The following GALNT13 variants were observed in gnomAD, a reference collection of about 807,000 sequenced individuals.
GALNT13 encodes polypeptide N-acetylgalactosaminyltransferase 13.
GALNT13 carries 28 observed loss-of-function variants against 64.2 expected under a neutral mutation model. That is an observed-to-expected ratio of 0.44 (90% CI 0.32 to 0.60). The LOEUF is 0.60. Among genes scored for constraint, GALNT13 ranks in the 20% least tolerant of loss-of-function variants. The pLI is 0.05. For synonymous variants in GALNT13, 214 were observed against 224.6 expected, an observed-to-expected ratio of 0.95 and a Z score of 0.42; for missense variants, 577 against 669.8, an observed-to-expected ratio of 0.86 and a Z score of 1.53.
At chr2:154,047,389 G>A (rs748335118) in intron 3 of GALNT13, among the ~76,000 whole-genome samples, 21 of 152,042 alleles carry the variant, frequency 1.4e-4, no homozygotes, top group Non-Finnish European at 2.2e-4. Flanking sequence ...TCAGAAACAC[G>A]CTTCTTTGAT....
the GALNT13 span, among the ~76,000 whole-genome samples, chr2:153,261,142 G>A: frequency 2.7e-4 from 41 of 151,998 alleles, no homozygotes; most frequent in Non-Finnish European, 4.1e-4. Context: ...TTCCCCCAAA[G>A]AGCTATTTTG....
At chr2:153,674,680 A>G in the GALNT13 span, among the ~76,000 whole-genome samples, 1 of 152,214 alleles carries the variant, frequency 6.6e-6, no homozygotes, top group Non-Finnish European at 1.5e-5. Context: ...CAATGGCAAC[A>G]AAAGCCAAAA....
intron 3 of GALNT13, among the ~76,000 whole-genome samples, chr2:153,992,493 C>G (rs7574331): frequency 0.19 from 28,296 of 151,920 alleles, 3,371 homozygotes; most frequent in Non-Finnish European, 0.26. Flanking sequence ...TAATTTAATG[C>G]TAAATTTTTC....
the GALNT13 span, among the ~76,000 whole-genome samples, chr2:153,143,224 G>C: frequency 3.9e-5 from 6 of 151,916 alleles, no homozygotes; most frequent in African/African-American, 1.4e-4. Context: ...CAAGCATAAG[G>C]CAGGTCGAAT....
chr2:153,542,892 AT>A, the GALNT13 span, among the ~76,000 whole-genome samples: 1 of 152,208 alleles, frequency 6.6e-6, no homozygotes, highest in Non-Finnish European at 1.5e-5. Context: ...TATCTCATCA[AT>A]AAAAGTACAC....
the GALNT13 span, among the ~76,000 whole-genome samples, chr2:153,153,817 T>G: frequency 6.6e-6 from 1 of 152,084 alleles, no homozygotes; most frequent in Admixed American, 6.6e-5. Flanking sequence ...TAGTATAATT[T>G]GAAATTGGGT....
chr2:153,974,058 C>T (rs891658988), intron 3 of GALNT13, among the ~76,000 whole-genome samples: 2 of 151,894 alleles, frequency 1.3e-5, no homozygotes, highest in African/African-American at 2.4e-5. Flanking sequence ...GTGCTTTTTC[C>T]TTTGAACCTT....
In GALNT13 at chr2:154,040,854, T is replaced by C. The variant is rs1698934059; in HGVS notation, c.142+96215T>C. Among the ~76,000 whole-genome samples the C allele has an allele frequency of 1.4e-5, 2 of 140,450 alleles. 1 individual carries two copies. Among genetic ancestry groups the C allele is most frequent in the South Asian group, 4.5e-4 (2 of 4,454 alleles). 92.1% of individuals were successfully genotyped at this position (140,450 alleles called of 152,430 possible). A position where few individuals can be genotyped will look rare whatever the true frequency, so the allele number is the denominator to read the frequency against. On this transcript the variant is annotated intron_variant, in intron 3 of 12. Coordinates refer to ENST00000392825, the MANE Select transcript of GALNT13 (RefSeq NM_052917.4). ...TATTTTTCATCAAAATATTAATATA[T>C]TATTTTTCTGATTTATGGCTCAGAC... is the stretch of plus-strand genomic sequence containing the variant.
chr2:153,115,763 G>T, the GALNT13 span, among the ~76,000 whole-genome samples: 2 of 151,934 alleles, frequency 1.3e-5, no homozygotes, highest in African/African-American at 4.8e-5. Flanking sequence ...TTGAACATTG[G>T]TCTTATGCAT....
At chr2:153,263,358 T>C in the GALNT13 span, among the ~76,000 whole-genome samples, 865 of 152,226 alleles carry the variant, frequency 5.7e-3, 8 homozygotes, top group African/African-American at 0.019. Context: ...ATAATAAAAA[T>C]GGCCATACTG....
At chr2:153,591,533 C>G in the GALNT13 span, among the ~76,000 whole-genome samples, 2 of 152,034 alleles carry the variant, frequency 1.3e-5, no homozygotes, top group African/African-American at 4.8e-5. Flanking sequence ...ATTGCATTAC[C>G]TGACTTCAAG....
chr2:154,173,250 T>C (rs1478770657), intron 4 of GALNT13, among the ~76,000 whole-genome samples: 1 of 151,866 alleles, frequency 6.6e-6, no homozygotes, highest in East Asian at 1.9e-4. Context: ...TTTGATAAAT[T>C]GTGCTGGGGA....
chr2:153,358,677 A>G, the GALNT13 span, among the ~76,000 whole-genome samples: 3 of 152,210 alleles, frequency 2.0e-5, no homozygotes, highest in Admixed American at 6.5e-5. Context: ...GAATTCCTTT[A>G]AAATGTTTAA....
At chr2:154,021,261 G>A (rs1206441178) in intron 3 of GALNT13, among the ~76,000 whole-genome samples, 1 of 152,110 alleles carries the variant, frequency 6.6e-6, no homozygotes, top group African/African-American at 2.4e-5. Context: ...GCTTGATGGG[G>A]ATGGCATTGA....
chr2:153,206,271 C>A, the GALNT13 span, among the ~76,000 whole-genome samples: 12 of 152,128 alleles, frequency 7.9e-5, 1 homozygote, highest in South Asian at 2.1e-3. Flanking sequence ...GAACCTCAAC[C>A]AAGAGAGTGA....
the GALNT13 span, among the ~76,000 whole-genome samples, chr2:153,124,567 G>T: frequency 1.3e-5 from 2 of 152,058 alleles, no homozygotes; most frequent in African/African-American, 2.4e-5. Context: ...GTGCAGTGGC[G>T]CAATCTCAGC....
intron 3 of GALNT13, among the ~76,000 whole-genome samples, chr2:154,130,778 T>C (rs1033833378): frequency 1.3e-5 from 2 of 152,232 alleles, no homozygotes; most frequent in African/African-American, 4.8e-5. Flanking sequence ...AGTATATTTT[T>C]CAAACATGAT....
chr2:154,379,297 C>A (rs182002872), intron 9 of GALNT13, among the ~76,000 whole-genome samples: 408 of 152,062 alleles, frequency 2.7e-3, no homozygotes, highest in Non-Finnish European at 4.1e-3. Context: ...ATGTAGCTTT[C>A]TCTACTTTTT....
chr2:154,371,178 G>A (rs1417387671), intron 9 of GALNT13, among the ~76,000 whole-genome samples: 1 of 145,432 alleles, frequency 6.9e-6, no homozygotes, highest in African/African-American at 2.6e-5. Flanking sequence ...ATTGAAGGCA[G>A]AATAGGAAGT....
Sources: allele counts gnomAD v4.1 joint callset (sites outside exome capture counted in the v4.1 genomes callset), GRCh38; gene constraint gnomAD v4.1.1; transcripts MANE v1.5; gene names NCBI Gene and HGNC (gene_info 2026-07-23, HGNC 2026-07-21).